The following HPS3 variants were observed in gnomAD, a reference collection of about 807,000 sequenced individuals.
HPS3 encodes HPS3 biogenesis of lysosomal organelles complex 2 subunit 1.
A neutral mutation model predicts 110.9 loss-of-function variants in HPS3; 79 were observed. That is an observed-to-expected ratio of 0.71 (90% CI 0.59 to 0.86). The LOEUF (loss-of-function observed/expected upper bound fraction) is 0.86, where lower values mean the gene tolerates loss of function less well. Ranked by LOEUF, HPS3 falls within the 40% of genes least tolerant of loss-of-function variation. HPS3 has a pLI of 0.00. For synonymous variants in HPS3, 428 were observed against 451.0 expected, an observed-to-expected ratio of 0.95 and a Z score of 0.65; for missense variants, 1,197 against 1,206.2, an observed-to-expected ratio of 0.99 and a Z score of 0.11.
At chr3:149,156,510 A>G (rs1339908822) in intron 8 of HPS3, among the ~76,000 whole-genome samples, 1 of 148,986 alleles carries the variant, frequency 6.7e-6, no homozygotes, top group Non-Finnish European at 1.5e-5. Flanking sequence ...TGACATGAGC[A>G]TTTTTGAAAA....
chr3:149,134,718 G>T (rs932502832), intron 1 of HPS3, among the ~76,000 whole-genome samples: 1 of 152,156 alleles, frequency 6.6e-6, no homozygotes, highest in East Asian at 1.9e-4. Flanking sequence ...GCCATGAGTA[G>T]CATTGTAACC....
intron 14 of HPS3, among the ~76,000 whole-genome samples, chr3:149,166,465 T>C (rs770413304): frequency 9.9e-5 from 15 of 152,188 alleles, no homozygotes; most frequent in Non-Finnish European, 2.1e-4. Flanking sequence ...CATTTACCTA[T>C]GTAGATTTTA....
In HPS3 at chr3:149,167,992, ATT is replaced by A; in HGVS notation, c.2887+18_2887+19del. On this transcript the variant is annotated intron_variant, in intron 16 of 16. Transcript: ENST00000296051. ...CCTGTCATCATTAAAAGGTAAAATGATTTTTTTTTTGCTTGATTATAAACTTA... is the reference window on the plus strand; with the variant it reads ...CCTGTCATCATTAAAAGGTAAAATGATTTTTTTTGCTTGATTATAAACTTA... The A allele has an allele frequency of 3.1e-6, 4 of 1,292,180 alleles. No homozygotes were observed. The highest frequency in any genetic ancestry group is 1.2e-5 in the South Asian group (1 of 80,828). The allele number at this position is 1,292,180 out of a possible 1,614,324, so 80.0% of individuals were successfully genotyped here. A position where few individuals can be genotyped will look rare whatever the true frequency, so the allele number is the denominator to read the frequency against.
At position 149,153,561 on chromosome 3, in the gene HPS3, T is replaced by A. The variant is rs1334784891; in HGVS notation, c.1313T>A (p.Ile438Asn). The A allele has an allele frequency of 1.2e-6, 2 of 1,614,008 alleles. No individual in the cohort carries two copies. The highest frequency in any genetic ancestry group is 1.7e-6 in the Non-Finnish European group (2 of 1,179,838). ...RIQLFIGLKA[I>N]CHFKNHIILL... ...CAGCTTTTCATAGGCTTGAAAGCCATCTGTCACTTTAAAAACCACATCATA... is the reference window on the plus strand; with the variant it reads ...CAGCTTTTCATAGGCTTGAAAGCCAACTGTCACTTTAAAAACCACATCATA... The change falls in exon 7 of 17, where the codon ATC (isoleucine) becomes AAC (asparagine). Residue 438 changes from isoleucine (I) to asparagine (N), a missense_variant. By Grantham distance (149) the Ile-to-Asn change is moderately radical (BLOSUM62 -3). Transcript: ENST00000296051.
In HPS3 at chr3:149,162,248, C is replaced by T. The variant is rs749184890; in HGVS notation, c.2207C>T (p.Thr736Ile). The T allele has an allele frequency of 6.2e-7, 1 of 1,613,866 alleles. No homozygotes were observed. The highest frequency in any genetic ancestry group is 1.3e-5 in the African/African-American group (1 of 74,910). Residue 736 changes from threonine to isoleucine, a missense_variant, in exon 12 of 17, where the codon ACT becomes ATT. Transcript: ENST00000296051. ...GAGCTTGCACTTCACTTGAAGGAAACTCAGCCTGGATTGCTTGTGGCTTCA... is the reference window on the plus strand; with the variant it reads ...GAGCTTGCACTTCACTTGAAGGAAATTCAGCCTGGATTGCTTGTGGCTTCA... ...PTELALHLKE[T>I]QPGLLVASVL... is the part of the protein sequence containing the mutation.
At chr3:149,164,340 G>T (rs576496018) in intron 14 of HPS3, among the ~76,000 whole-genome samples, 1 of 152,264 alleles carries the variant, frequency 6.6e-6, no homozygotes, top group African/African-American at 2.4e-5. Flanking sequence ...CCCAAGCCAG[G>T]CACTGCTATT....
chr3:149,144,142 TGAG>T (rs576880053), intron 4 of HPS3, among the ~76,000 whole-genome samples: 107 of 150,752 alleles, frequency 7.1e-4, no homozygotes, highest in African/African-American at 2.4e-3. Context: ...TTTGGGAGGC[TGAG>T]GTGGGTGGAT....
chr3:149,144,751 G>A (rs952700310), intron 4 of HPS3, among the ~76,000 whole-genome samples: 2 of 152,246 alleles, frequency 1.3e-5, no homozygotes, highest in East Asian at 1.9e-4. Context: ...GTCACATGCC[G>A]CTATTAAGCA....
At position 149,172,110 on chromosome 3, in the gene HPS3, T is replaced by C; in HGVS notation, c.2903T>C (p.Val968Ala). 2 of 1,613,270 alleles carry C rather than the reference T, an allele frequency of 1.2e-6. No homozygotes were observed. Among genetic ancestry groups the C allele is most frequent in the Non-Finnish European group, 1.7e-6 (2 of 1,179,310 alleles). ...TTCTACACAGAAACATTGTCAATTG[T>C]TGCTGTGGAACTAGAACTGAAGGAT... ...LSSLKETLSI[V>A]AVELELKDFM... Residue 968 changes from valine (V) to alanine (A), a missense_variant, in exon 17 of 17, where the codon GTT (valine) becomes GCT (alanine). Val to Ala is a moderately conservative substitution (Grantham distance 64, BLOSUM62 0). Coordinates refer to ENST00000296051, the MANE Select transcript of HPS3 (RefSeq NM_032383.5).
intron 1 of HPS3, 23 bp from the exon 2 acceptor site, chr3:149,139,981 G>A (rs775688097): frequency 1.5e-5 from 24 of 1,604,446 alleles, no homozygotes; most frequent in Non-Finnish European, 2.6e-6. Context: ...CAAATTCTCA[G>A]TATAATCTTC....
At chr3:149,146,514 A>G (rs772488211) in intron 5 of HPS3, among the ~76,000 whole-genome samples, 5 of 152,214 alleles carry the variant, frequency 3.3e-5, no homozygotes, top group African/African-American at 4.8e-5. Context: ...ATAAACAAAA[A>G]CTGTATCAAG....
At position 149,129,742 on chromosome 3, in the gene HPS3, C is replaced by A. The variant is rs1201138726; in HGVS notation, c.19C>A (p.Leu7Met). The change falls in exon 1 of 17, where the codon CTG becomes ATG. Residue 7 changes from leucine to methionine, a missense_variant. Physicochemically the swap from Leu to Met is conservative, Grantham distance 15 (BLOSUM62 2). Coordinates refer to ENST00000296051, the MANE Select transcript of HPS3 (RefSeq NM_032383.5). MVQLYN[L>M]HPFGSQQVVP... ...CGTCGGGATGGTGCAGCTGTACAAC[C>A]TGCACCCGTTCGGGTCGCAGCAGGT... 1 of 1,604,214 alleles carries A rather than the reference C, an allele frequency of 6.2e-7. No homozygotes were observed. The highest frequency in any genetic ancestry group is 8.5e-7 in the Non-Finnish European group (1 of 1,178,010).
intron 4 of HPS3, among the ~76,000 whole-genome samples, chr3:149,144,034 G>A (rs1020060869): frequency 6.6e-6 from 1 of 152,096 alleles, no homozygotes; most frequent in African/African-American, 2.4e-5. Flanking sequence ...TTCAACATAT[G>A]TCTCTAAAAG....
intron 12 of HPS3, 38 bp downstream of exon 12, chr3:149,162,371 T>G (rs779026204): frequency 6.3e-7 from 1 of 1,579,402 alleles, no homozygotes; most frequent in Non-Finnish European, 8.7e-7. Context: ...CTGGATGGCC[T>G]CATTAAATTG....
intron 6 of HPS3, among the ~76,000 whole-genome samples, chr3:149,152,964 ACAGT>A (rs1485771014): frequency 5.3e-5 from 8 of 152,218 alleles, no homozygotes; most frequent in Admixed American, 4.6e-4. Flanking sequence ...TAACAGACTA[ACAGT>A]CAGGGGCCAT....
At chr3:149,143,860 G>C (rs1194758848) in intron 4 of HPS3, among the ~76,000 whole-genome samples, 3 of 152,048 alleles carry the variant, frequency 2.0e-5, no homozygotes, top group Non-Finnish European at 4.4e-5. Flanking sequence ...TGTCAGTCAG[G>C]GTACTTGTTA....
chr3:149,171,264 G>A lies in HPS3; in HGVS notation c.2888-831G>A, dbSNP rs186422768. On this transcript the variant is annotated intron_variant, in intron 16 of 16. Coordinates refer to ENST00000296051, the MANE Select transcript of HPS3 (RefSeq NM_032383.5). ...CTGCACTCCAGCATGGTGACAGAGC[G>A]AGACTCCGTCTCAAAAAAAAAAAAT... Among the ~76,000 whole-genome samples, 1,147 of 150,722 alleles carry A rather than the reference G, an allele frequency of 7.6e-3. 13 individuals are homozygous for A. Among genetic ancestry groups the A allele is most frequent in the African/African-American group, 0.025 (1,054 of 41,352 alleles).
rs757569691 is a variant in HPS3, at chr3:149,158,842, ATGAAG to A, written c.1872_1872+4del. ...TATGAAAACCTGGATGAAGAATTAAATGAAGTGATTATAGTTTTCTGTTTTCTATC... is the reference window on the plus strand; with the variant it reads ...TATGAAAACCTGGATGAAGAATTAAATGATTATAGTTTTCTGTTTTCTATC... On this transcript the variant is annotated splice_donor_variant and coding_sequence_variant, in exon 10 of 17. Coordinates refer to ENST00000296051, the MANE Select transcript of HPS3 (RefSeq NM_032383.5). LOFTEE classifies it high-confidence loss of function. 2 of 1,566,366 alleles carry A rather than the reference ATGAAG, an allele frequency of 1.3e-6. No homozygotes were observed. Among genetic ancestry groups the A allele is most frequent in the African/African-American group, 2.7e-5 (2 of 74,094 alleles).
At chr3:149,145,666 A>G in intron 5 of HPS3, 120 bp downstream of exon 5, 3 of 819,046 alleles carry the variant, frequency 3.7e-6, no homozygotes, top group South Asian at 1.4e-5. Context: ...CATGAGTTAC[A>G]TGTCATTGTA....
Sources: allele counts gnomAD v4.1 joint callset (sites outside exome capture counted in the v4.1 genomes callset), GRCh38; gene constraint gnomAD v4.1.1; transcripts MANE v1.5; gene names NCBI Gene and HGNC (gene_info 2026-07-23, HGNC 2026-07-21).